Variants in EIF4G2 observed in about 807,000 individuals in gnomAD.
EIF4G2 encodes eukaryotic translation initiation factor 4 gamma 2.
A neutral mutation model predicts 117.7 loss-of-function variants in EIF4G2; 8 were observed. The observed-to-expected ratio is 0.07, with a 90% CI of 0.04 to 0.12. The LOEUF (loss-of-function observed/expected upper bound fraction) is 0.12. EIF4G2 is among the 10% of genes least tolerant of loss of function. The pLI, the probability that EIF4G2 is intolerant of heterozygous loss-of-function variation, is 1.00. For missense variants in EIF4G2, 812 were observed against 1,086.2 expected, an observed-to-expected ratio of 0.75 and a Z score of 3.55; for synonymous variants, 413 against 367.8, an observed-to-expected ratio of 1.12 and a Z score of -1.41.
At chr11:10,808,035 C>A in intron 1 of EIF4G2, 1 of 1,029,378 alleles carries the variant, frequency 9.7e-7, no homozygotes, top group South Asian at 3.1e-5. Context: ...GGTCGCTCGA[C>A]GGGGAGGAGC....
chr11:10,805,973 T>C lies in EIF4G2; in HGVS notation c.182A>G (p.Asn61Ser), dbSNP rs1426673872. ...GTTTGCGGAGTTGTTTGCTGCGGAG[T>C]TGTCATCTCGTCTAGTGCTTCGTGC... The change falls in exon 4 of 22, where the codon AAC becomes AGC. Residue 61 changes from asparagine to serine, a missense_variant. Asn to Ser is a conservative substitution (Grantham distance 46, BLOSUM62 1). This residue lies in a region of EIF4G2 where 79 missense variants were observed against 91.5 expected (regional missense o/e 0.86). Transcript: ENST00000339995. The C allele has an allele frequency of 1.2e-6, 2 of 1,614,150 alleles. No homozygotes were observed. The highest frequency in any genetic ancestry group is 2.2e-5 in the East Asian group (1 of 44,882).
intron 5 of EIF4G2, 96 bp downstream of exon 5, chr11:10,804,817 G>T: frequency 9.9e-7 from 1 of 1,005,508 alleles, no homozygotes; most frequent in Non-Finnish European, 1.5e-6. Flanking sequence ...TCACACCTAA[G>T]GGTTTTAAGT....
At chr11:10,801,491 G>T (rs7103202) in intron 14 of EIF4G2, 170 bp downstream of exon 14, 1 of 780,010 alleles carries the variant, frequency 1.3e-6, no homozygotes, top group Non-Finnish European at 2.3e-6. Context: ...CATAATCTTC[G>T]CTCACAGGAC....
At chr11:10,804,536 T>C (rs1847506323) in intron 5 of EIF4G2, 118 bp from the exon 6 acceptor site, 1 of 1,323,450 alleles carries the variant, frequency 7.6e-7, no homozygotes, top group African/African-American at 1.5e-5. Flanking sequence ...TGTCCAGTTA[T>C]ACAGATTTCA....
Position 10,800,720 on chromosome 11 carries a change from T to A in EIF4G2, c.1644+11A>T, listed in dbSNP as rs1041656655. On this transcript the variant is annotated intron_variant, in intron 16 of 21. Transcript: ENST00000339995. The stretch of plus-strand genomic sequence containing the variant: ...GGCTAATTACACTAAAATGGGATAT[T>A]TGAAACTTACAGTTAGTTTAAGGAG... 1 of 1,614,188 alleles carries A rather than the reference T, an allele frequency of 6.2e-7. No homozygotes were observed.
At chr11:10,808,230 T>C in intron 1 of EIF4G2, 1 of 1,142,752 alleles carries the variant, frequency 8.8e-7, no homozygotes, top group Non-Finnish European at 1.1e-6. Flanking sequence ...ACTCTCTCTT[T>C]CCTCCCCGAC....
intron 13 of EIF4G2, 46 bp from the exon 14 acceptor site, chr11:10,801,820 C>A: frequency 6.4e-7 from 1 of 1,558,214 alleles, no homozygotes; most frequent in Non-Finnish European, 8.8e-7. Flanking sequence ...AAGGGGTCCA[C>A]AAATTATGGT....
intron 6 of EIF4G2, 26 bp from the exon 7 acceptor site, chr11:10,804,229 T>TTA (rs1564984048): frequency 6.2e-7 from 1 of 1,613,264 alleles, no homozygotes; most frequent in Admixed American, 1.7e-5. Flanking sequence ...TTGTCATGCT[T>TTA]TATTAAGGAA....
At position 10,805,898 on chromosome 11, in the gene EIF4G2, G is replaced by C. The variant is rs1163137244; in HGVS notation, c.248+9C>G. 6.2e-7 allele frequency: 1 copy of C among 1,614,034 alleles called. No homozygotes were observed. The highest frequency in any genetic ancestry group is 1.3e-5 in the African/African-American group (1 of 74,906). On this transcript the variant is annotated intron_variant, in intron 4 of 21. Coordinates refer to ENST00000339995, the MANE Select transcript of EIF4G2 (RefSeq NM_001418.4). Reference sequence around the variant, plus strand: ...CCCATCTTTTAGTAAAACAGACCTTGAAACTTACCCTCTTACTTTCCTGAA... The same window carrying C: ...CCCATCTTTTAGTAAAACAGACCTTCAAACTTACCCTCTTACTTTCCTGAA...
In EIF4G2 at chr11:10,799,598, G is replaced by A. The variant is rs1271001315; in HGVS notation, c.2278C>T (p.Pro760Ser). ...AATCCTTTATCTACATGAAGTTTGG[G>A]AGAGATGTTATCTTTAATCCATTTA... is the stretch of plus-strand genomic sequence containing the variant. The change falls in exon 19 of 22, where the codon CCC becomes TCC. Residue 760 changes from proline to serine, a missense_variant. Around this residue, in one of 4 missense-constraint regions of EIF4G2, gnomAD observed 571 missense variants for 642.3 expected, o/e 0.89. Transcript: ENST00000339995. The A allele has an allele frequency of 1.2e-6, 2 of 1,614,102 alleles. No individual in the cohort carries two copies. The highest frequency in any genetic ancestry group is 1.7e-6 in the Non-Finnish European group (2 of 1,180,006).
chr11:10,803,742 CTACTT>C lies in EIF4G2; in HGVS notation c.702+152_703-153del, dbSNP rs1207343369. ...CCAGTCTGGTTGATCAGTTCTAACT[CTACTT>C]TGTCAAACACACCACGTATTTCAAA... On this transcript the variant is annotated intron_variant, in intron 8 of 21. Coordinates refer to ENST00000339995, the MANE Select transcript of EIF4G2 (RefSeq NM_001418.4). The surrounding 1 kb of genome is among the most constrained non-coding windows in gnomAD (Gnocchi z 4.0). 5.7e-5 allele frequency: 67 copies of C among 1,176,762 alleles called. No homozygotes were observed. Among genetic ancestry groups the C allele is most frequent in the Non-Finnish European group, 7.2e-5 (60 of 833,608 alleles). The allele number at this position is 1,176,762 out of a possible 1,614,324, so 72.9% of individuals were successfully genotyped here. A position where few individuals can be genotyped will look rare whatever the true frequency, so the allele number is the denominator to read the frequency against.
chr11:10,802,323 C>T lies in EIF4G2; in HGVS notation c.1109G>A (p.Gly370Glu), dbSNP rs778653316. The change falls in exon 12 of 22, where the codon GGA (glycine) becomes GAA (glutamate). Residue 370 changes from glycine to glutamate, a missense_variant. Around this residue, in one of 4 missense-constraint regions of EIF4G2, gnomAD observed 571 missense variants for 642.3 expected, o/e 0.89. Transcript: ENST00000339995. The stretch of plus-strand genomic sequence containing the variant: ...CATTTGTCCAAACATATCAGCAAGT[C>T]CTCCAAGTGGGTCCCTATCCATTTT... The T allele has an allele frequency of 1.4e-5, 22 of 1,613,538 alleles. No homozygotes were observed. Among genetic ancestry groups the T allele is most frequent in the Non-Finnish European group, 1.7e-6 (2 of 1,179,864 alleles).
intron 4 of EIF4G2, among the ~76,000 whole-genome samples, chr11:10,805,457 ATTTT>A (rs34032776): frequency 2.7e-5 from 4 of 148,718 alleles, no homozygotes; most frequent in Non-Finnish European, 6.0e-5. Flanking sequence ...TTCAAGATAC[ATTTT>A]TTTTTTTTGA....
At chr11:10,807,228 G>A in intron 2 of EIF4G2, 27 bp downstream of exon 2, 1 of 1,598,000 alleles carries the variant, frequency 6.3e-7, no homozygotes. Context: ...TTTTCAAAAG[G>A]ATTCCCCAAA....
chr11:10,801,736 G>T lies in EIF4G2; in HGVS notation c.1338C>A (p.Leu446=). 6.2e-7 allele frequency: 1 copy of T among 1,614,162 alleles called. No homozygotes were observed. The highest frequency in any genetic ancestry group is 8.5e-7 in the Non-Finnish European group (1 of 1,180,032). The change falls in exon 14 of 22, where the codon CTC becomes CTA. Residue 446 remains leucine, a synonymous_variant. Transcript: ENST00000339995. ...TCGACTGTCCTTGCAGCTGGGATAA[G>T]AGTCCCTGACTCTGGTTATGGTAGA...
At chr11:10,801,126 G>A (rs748385557) in intron 14 of EIF4G2, 39 bp from the exon 15 acceptor site, 155 of 1,611,202 alleles carry the variant, frequency 9.6e-5, no homozygotes, top group Non-Finnish European at 1.3e-4. Flanking sequence ...TTAACAACAT[G>A]CAGTTGGCGA....
intron 11 of EIF4G2, among the ~76,000 whole-genome samples, chr11:10,802,816 G>A (rs561317557): frequency 2.6e-5 from 4 of 152,302 alleles, no homozygotes; most frequent in East Asian, 1.9e-4. Context: ...GCAGTGAATC[G>A]AGAATGCGCC....
In EIF4G2 at chr11:10,808,864, C is replaced by CGCT. The variant is rs1200085438; in HGVS notation, c.-249_-247dup. On this transcript the variant is annotated 5_prime_UTR_variant, in exon 1 of 22. Coordinates refer to ENST00000339995, the MANE Select transcript of EIF4G2 (RefSeq NM_001418.4). ...GGCCTCAAACTCAGCTCAGAGGAGT[C>CGCT]GCTGCTGCAGCCGCCACTCGGTACC... is the stretch of plus-strand genomic sequence containing the variant. The CGCT allele has an allele frequency of 1.9e-5, 3 of 158,906 alleles. No individual in the cohort carries two copies. The highest frequency in any genetic ancestry group is 4.2e-5 in the Non-Finnish European group (3 of 71,226). 9.8% of individuals were successfully genotyped at this position (158,906 alleles called of 1,614,324 possible). A position where few individuals can be genotyped will look rare whatever the true frequency, so the allele number is the denominator to read the frequency against.
chr11:10,803,473 C>T lies in EIF4G2; in HGVS notation c.813+7G>A. 1.2e-6 allele frequency: 2 copies of T among 1,612,176 alleles called. No homozygotes were observed. Among genetic ancestry groups the T allele is most frequent in the Non-Finnish European group, 1.7e-6 (2 of 1,178,268 alleles). ...ACTTGTACTACTTTCATCAGCTACA[C>T]ACGTACCTTGGCTCGTTCATGGTCT... On this transcript the variant is annotated splice_region_variant and intron_variant, in intron 9 of 21. Transcript: ENST00000339995. This position sits in a 1 kb window ranked among gnomAD's most constrained non-coding sequence, Gnocchi z 4.0.
Sources: gnomAD v4.1 joint callset for allele counts (sites outside exome capture counted in the v4.1 genomes callset) on GRCh38, gnomAD v4.1.1 for gene constraint, gnomAD v4.1.1 regional missense constraint, Gnocchi (gnomAD v3.1) non-coding constraint, MANE v1.5 for transcripts, NCBI Gene and HGNC (gene_info 2026-07-23, HGNC 2026-07-21) for gene names.